The following CADM2 variants were observed in gnomAD, a reference collection of about 807,000 sequenced individuals.
The protein encoded by CADM2 is cell adhesion molecule 2.
CADM2 carries 12 observed loss-of-function variants against 49.8 expected under a neutral mutation model. The observed-to-expected ratio is 0.24, with a 90% CI of 0.15 to 0.39. CADM2 has a LOEUF of 0.39. Ranked by LOEUF, CADM2 falls within the 10% of genes least tolerant of loss-of-function variation. The probability of loss-of-function intolerance (pLI) is 1.00; values close to 1 mark genes in which losing one functional copy is unlikely to be tolerated. For synonymous variants in CADM2, 214 were observed against 175.4 expected (o/e 1.22, Z -1.74); for missense variants, 378 against 492.3 (o/e 0.77, Z 2.20).
chr3:85,162,654 C>T (rs993878449), intron 1 of CADM2, among the ~76,000 whole-genome samples: 10 of 151,926 alleles, frequency 6.6e-5, no homozygotes, highest in Non-Finnish European at 1.5e-4. Flanking sequence ...TCAATGACAT[C>T]TATACACTGT....
intron 4 of CADM2, among the ~76,000 whole-genome samples, chr3:85,884,090 A>T (rs1713211587): frequency 6.6e-6 from 1 of 152,232 alleles, no homozygotes; most frequent in East Asian, 1.9e-4. Context: ...ACACAAAAAA[A>T]GCAATACATT....
Position 85,142,514 on chromosome 3 carries a change from C to T in CADM2, c.61+182846C>T, listed in dbSNP as rs193107071. Among the ~76,000 whole-genome samples, 9 of 152,270 alleles carry T rather than the reference C, an allele frequency of 5.9e-5. No individual in the cohort carries two copies. The East Asian group carries it at 1.5e-3, about 26-fold the overall frequency. Reference sequence around the variant, plus strand: ...TGCATATGGGAAGCCTTTCCTCCATCCTCATTGCTTACAATATGTGTATAA... The same window carrying T: ...TGCATATGGGAAGCCTTTCCTCCATTCTCATTGCTTACAATATGTGTATAA... On this transcript the variant is annotated intron_variant, in intron 1 of 9. Transcript: ENST00000383699.
intron 5 of CADM2, among the ~76,000 whole-genome samples, chr3:85,907,925 A>G (rs1459370299): frequency 1.3e-5 from 2 of 151,412 alleles, no homozygotes; most frequent in Non-Finnish European, 2.9e-5. Context: ...AAAAAAAAAA[A>G]GAAGATATCT....
intron 1 of CADM2, among the ~76,000 whole-genome samples, chr3:85,464,797 T>C (rs1447871643): frequency 6.6e-6 from 1 of 152,198 alleles, no homozygotes; most frequent in Non-Finnish European, 1.5e-5. Flanking sequence ...TTTGGTTGAT[T>C]AGATGTCTTA....
intron 1 of CADM2, among the ~76,000 whole-genome samples, chr3:85,695,005 A>C (rs2066507315): frequency 6.6e-6 from 1 of 152,154 alleles, no homozygotes; most frequent in Non-Finnish European, 1.5e-5. Context: ...ATTTTCTGCC[A>C]CTTCCCTTGA....
chr3:85,453,809 T>TA (rs1398349158), intron 1 of CADM2, among the ~76,000 whole-genome samples: 1 of 152,160 alleles, frequency 6.6e-6, no homozygotes, highest in Non-Finnish European at 1.5e-5. Context: ...TTGGAATATA[T>TA]AAAAACTAAT....
intron 1 of CADM2, among the ~76,000 whole-genome samples, chr3:85,306,409 A>G (rs1031996685): frequency 6.6e-5 from 10 of 151,706 alleles, no homozygotes; most frequent in African/African-American, 2.4e-4. Context: ...TTCTATATAG[A>G]TCTCTTTTCT....
At chr3:85,287,851 A>G (rs111869043) in intron 1 of CADM2, among the ~76,000 whole-genome samples, 4 of 151,880 alleles carry the variant, frequency 2.6e-5, no homozygotes, top group African/African-American at 9.7e-5. Flanking sequence ...GCAAGGACCA[A>G]AAACCAAACA....
chr3:85,573,717 A>G (rs2062549406), intron 1 of CADM2, among the ~76,000 whole-genome samples: 2 of 152,176 alleles, frequency 1.3e-5, no homozygotes, highest in South Asian at 4.1e-4. Context: ...ATCTATGATC[A>G]AATTGTGACA....
At chr3:86,038,139 T>C (rs1323039021) in intron 8 of CADM2, among the ~76,000 whole-genome samples, 1 of 152,154 alleles carries the variant, frequency 6.6e-6, no homozygotes, top group Non-Finnish European at 1.5e-5. Flanking sequence ...CCAGCTTGCT[T>C]TCCCTCTTGT....
intron 1 of CADM2, among the ~76,000 whole-genome samples, chr3:85,262,308 C>T (rs2043030206): frequency 6.6e-6 from 1 of 151,904 alleles, no homozygotes; most frequent in Non-Finnish European, 1.5e-5. Context: ...ATTTTTGAAT[C>T]TCAATTTTGG....
At position 84,986,764 on chromosome 3, in the gene CADM2, TAAAA is replaced by T. The variant is rs34829701; in HGVS notation, c.61+27103_61+27106del. Among the ~76,000 whole-genome samples, 16 of 146,728 alleles carry T rather than the reference TAAAA, an allele frequency of 1.1e-4. No individual in the cohort carries two copies. The South Asian group carries it at 3.2e-3, about 29-fold the overall frequency. On this transcript the variant is annotated intron_variant, in intron 1 of 9. Coordinates refer to ENST00000383699, the MANE Select transcript of CADM2 (RefSeq NM_001167675.2). ...AACTTAAAGTATAATAATAATAAAA[TAAAA>T]AAAAAAGAAGCATACTCACTTTAAG...
intron 1 of CADM2, among the ~76,000 whole-genome samples, chr3:85,502,627 GA>G (rs903801208): frequency 5.3e-5 from 8 of 151,816 alleles, no homozygotes; most frequent in East Asian, 1.9e-4. Context: ...TTTTAAGTAA[GA>G]AAAAAAATGT....
intron 3 of CADM2, among the ~76,000 whole-genome samples, chr3:85,858,993 A>T (rs1347409765): frequency 6.6e-6 from 1 of 152,210 alleles, no homozygotes; most frequent in Non-Finnish European, 1.5e-5. Context: ...ACCTTCAAAC[A>T]AGAGAAGATA....
intron 2 of CADM2, among the ~76,000 whole-genome samples, chr3:85,786,029 T>C (rs551342265): frequency 8.5e-4 from 130 of 152,150 alleles, no homozygotes; most frequent in Non-Finnish European, 1.5e-3. Flanking sequence ...AGGTCAATGA[T>C]TCGTTATTAG....
chr3:85,391,886 C>T (rs546694898), intron 1 of CADM2, among the ~76,000 whole-genome samples: 15 of 152,170 alleles, frequency 9.9e-5, no homozygotes, highest in Non-Finnish European at 1.9e-4. Flanking sequence ...AGATCACTTT[C>T]AAATAGAATT....
Position 86,070,486 on chromosome 3 carries a change from T to C in CADM2, c.*3703T>C, listed in dbSNP as rs1739766952. 4 of 151,994 alleles carry C rather than the reference T, an allele frequency of 2.6e-5. No individual in the cohort carries two copies. In the South Asian group the frequency reaches 8.3e-4, roughly 31 times the overall value. 9.4% of individuals were successfully genotyped at this position (151,994 alleles called of 1,614,324 possible). ...TTAGTGGACAACAAATATTAAATTT[T>C]ACATTATGCTTTTTAATTGTGGAGA... On this transcript the variant is annotated 3_prime_UTR_variant, in exon 10 of 10. Coordinates refer to ENST00000383699, the MANE Select transcript of CADM2 (RefSeq NM_001167675.2).
At chr3:85,212,809 CTTCTCTTTCTT>C (rs2041809363) in intron 1 of CADM2, among the ~76,000 whole-genome samples, 1 of 99,278 alleles carries the variant, frequency 1.0e-5, no homozygotes, top group African/African-American at 2.9e-5. Flanking sequence ...TCTTCTTTTT[CTTCTCTTTCTT>C]TCTTTCTTTC....
chr3:85,091,675 A>G (rs998863321), intron 1 of CADM2, among the ~76,000 whole-genome samples: 2 of 152,174 alleles, frequency 1.3e-5, no homozygotes, highest in East Asian at 3.8e-4. Context: ...ATTGAGAAAT[A>G]TCTGCTGAAA....
Sources: allele counts gnomAD v4.1 joint callset (sites outside exome capture counted in the v4.1 genomes callset), GRCh38; gene constraint gnomAD v4.1.1; transcripts MANE v1.5; gene names NCBI Gene and HGNC (gene_info 2026-07-23, HGNC 2026-07-21).